Variants in MACROD2 observed in about 807,000 individuals in gnomAD.
MACROD2 encodes ADP-ribose glycohydrolase MACROD2.
In MACROD2, 36 loss-of-function variants were observed where a neutral mutation model predicts 70.4. That is an observed-to-expected ratio of 0.51 (90% CI 0.39 to 0.68). The LOEUF (loss-of-function observed/expected upper bound fraction) is 0.68. Ranked by LOEUF, MACROD2 falls within the 30% of genes least tolerant of loss-of-function variation. The pLI is 0.00. For missense variants in MACROD2, 496 were observed against 538.4 expected, an observed-to-expected ratio of 0.92 and a Z score of 0.78; for synonymous variants, 172 against 178.8, an observed-to-expected ratio of 0.96 and a Z score of 0.30.
At chr20:14,191,969 T>G (rs1444445883) in intron 3 of MACROD2, among the ~76,000 whole-genome samples, 1 of 148,894 alleles carries the variant, frequency 6.7e-6, no homozygotes, top group Non-Finnish European at 1.5e-5. Flanking sequence ...GTGTGGCTTC[T>G]GTATAGTTTG....
At chr20:14,198,182 G>C (rs1404604753) in intron 3 of MACROD2, among the ~76,000 whole-genome samples, 1 of 150,836 alleles carries the variant, frequency 6.6e-6, no homozygotes, top group East Asian at 1.9e-4. Context: ...AGGTAAGAGG[G>C]AGAGAGAGAG....
At position 15,933,515 on chromosome 20, in the gene MACROD2, C is replaced by G. The variant is rs1013134680; in HGVS notation, c.838+177C>G. ...CCGATAACTATGAGTTGAGTGCTTT[C>G]AAACAGAGTGGCACATTCTCACATC... On this transcript the variant is annotated intron_variant, in intron 11 of 17. Coordinates refer to ENST00000684519, the MANE Select transcript of MACROD2 (RefSeq NM_001351661.2). The G allele has an allele frequency of 2.4e-5, 13 of 534,880 alleles. No homozygotes were observed. The Admixed American group carries it at 4.3e-4, about 18-fold the overall frequency. 33.1% of individuals were successfully genotyped at this position (534,880 alleles called of 1,614,324 possible). A position where few individuals can be genotyped will look rare whatever the true frequency, so the allele number is the denominator to read the frequency against.
chr20:14,282,933 T>C (rs2082317761), intron 3 of MACROD2, among the ~76,000 whole-genome samples: 1 of 152,104 alleles, frequency 6.6e-6, no homozygotes, highest in Non-Finnish European at 1.5e-5. Flanking sequence ...GAGATTTGGG[T>C]GGGGACAGAT....
At chr20:14,662,214 A>C (rs1986259951) in intron 4 of MACROD2, among the ~76,000 whole-genome samples, 1 of 152,164 alleles carries the variant, frequency 6.6e-6, no homozygotes, top group South Asian at 2.1e-4. Flanking sequence ...GATCTTCAAC[A>C]AACCTGACAA....
chr20:15,768,413 C>T (rs114469459), intron 8 of MACROD2, among the ~76,000 whole-genome samples: 1 of 152,058 alleles, frequency 6.6e-6, no homozygotes, highest in Admixed American at 6.6e-5. Context: ...AGAAAAGATA[C>T]TGTAAAAATA....
At chr20:15,836,893 G>T (rs1196266224) in intron 8 of MACROD2, among the ~76,000 whole-genome samples, 1 of 152,226 alleles carries the variant, frequency 6.6e-6, no homozygotes, top group East Asian at 1.9e-4. Flanking sequence ...GTCCAGTTGT[G>T]TATTACAAAG....
At position 15,815,987 on chromosome 20, in the gene MACROD2, A is replaced by G. The variant is rs1290170328; in HGVS notation, c.646-46758A>G. Reference sequence around the variant, plus strand: ...ACATTATTTAATCATCAGAAAAGCTATCTTTCCTTCCCCAGTCCATCTCTC... The same window carrying G: ...ACATTATTTAATCATCAGAAAAGCTGTCTTTCCTTCCCCAGTCCATCTCTC... On this transcript the variant is annotated intron_variant, in intron 8 of 17. Coordinates refer to ENST00000684519, the MANE Select transcript of MACROD2 (RefSeq NM_001351661.2). Among the ~76,000 whole-genome samples the G allele has an allele frequency of 3.3e-5, 5 of 152,002 alleles. No homozygotes were observed. In the East Asian group the frequency reaches 9.7e-4, roughly 29 times the overall value.
intron 8 of MACROD2, among the ~76,000 whole-genome samples, chr20:15,818,367 G>A (rs1014031319): frequency 6.6e-6 from 1 of 152,116 alleles, no homozygotes; most frequent in Non-Finnish European, 1.5e-5. Context: ...TCCCAGAACC[G>A]AGGGTTCCTC....
chr20:15,008,982 A>G (rs1212445796), intron 5 of MACROD2, among the ~76,000 whole-genome samples: 2 of 152,094 alleles, frequency 1.3e-5, no homozygotes, highest in Non-Finnish European at 2.9e-5. Flanking sequence ...TAGCAGTTAT[A>G]TGTAATTGGC....
chr20:14,246,076 C>T (rs1045352179), intron 3 of MACROD2, among the ~76,000 whole-genome samples: 2 of 152,182 alleles, frequency 1.3e-5, no homozygotes, highest in African/African-American at 2.4e-5. Flanking sequence ...TTATTCCTAA[C>T]CACCATCTAC....
chr20:15,404,355 A>C (rs2045969173), intron 6 of MACROD2, among the ~76,000 whole-genome samples: 1 of 152,180 alleles, frequency 6.6e-6, no homozygotes, highest in Admixed American at 6.5e-5. Context: ...ATTGTTTTTA[A>C]TGCTACTGTG....
intron 6 of MACROD2, among the ~76,000 whole-genome samples, chr20:15,323,539 T>C (rs1482941130): frequency 6.6e-6 from 1 of 152,132 alleles, no homozygotes; most frequent in Non-Finnish European, 1.5e-5. Context: ...TCCCCATCAA[T>C]TGCTATTTCT....
At chr20:14,670,245 C>T (rs1391210215) in intron 4 of MACROD2, among the ~76,000 whole-genome samples, 2 of 152,068 alleles carry the variant, frequency 1.3e-5, no homozygotes, top group African/African-American at 4.8e-5. Flanking sequence ...CTCTGAAATA[C>T]CAGAAAAATA....
At chr20:15,228,525 G>A (rs935441177) in intron 5 of MACROD2, among the ~76,000 whole-genome samples, 13 of 119,968 alleles carry the variant, frequency 1.1e-4, no homozygotes, top group African/African-American at 3.3e-4. Context: ...GTCTCACTCC[G>A]TCACTAGGTT....
At chr20:15,306,238 GA>G (rs1388442496) in intron 6 of MACROD2, among the ~76,000 whole-genome samples, 1 of 152,186 alleles carries the variant, frequency 6.6e-6, no homozygotes, top group Non-Finnish European at 1.5e-5. Context: ...AATATCCTCT[GA>G]ATTATTCTGT....
At chr20:14,993,956 G>A (rs994358361) in intron 5 of MACROD2, among the ~76,000 whole-genome samples, 5 of 151,976 alleles carry the variant, frequency 3.3e-5, no homozygotes, top group Non-Finnish European at 5.9e-5. Flanking sequence ...AATTTTCAAA[G>A]TTTAATTGCA....
In MACROD2 at chr20:15,616,145, C is replaced by T. The variant is rs538318160; in HGVS notation, c.645+116298C>T. Among the ~76,000 whole-genome samples the T allele has an allele frequency of 8.1e-5, 12 of 148,396 alleles. 1 individual carries two copies. The South Asian group carries it at 1.1e-3, about 14-fold the overall frequency. On this transcript the variant is annotated intron_variant, in intron 8 of 17. Coordinates refer to ENST00000684519, the MANE Select transcript of MACROD2 (RefSeq NM_001351661.2). ...TGAGACAGAGTCTCACTCTGTCACCCGGGCCTGGAGTGCAGTGGTGTGATC... is the reference window on the plus strand; with the variant it reads ...TGAGACAGAGTCTCACTCTGTCACCTGGGCCTGGAGTGCAGTGGTGTGATC...
chr20:14,962,011 ACT>A, intron 5 of MACROD2, among the ~76,000 whole-genome samples: 1 of 151,280 alleles, frequency 6.6e-6, no homozygotes, highest in Admixed American at 6.6e-5. Context: ...ACGGAGTCTC[ACT>A]CTCGCTCAGA....
chr20:15,438,336 G>A (rs140357395), intron 7 of MACROD2, among the ~76,000 whole-genome samples: 452 of 152,200 alleles, frequency 3.0e-3, no homozygotes, highest in African/African-American at 9.8e-3. Context: ...AACCTTGCCA[G>A]CATCAGTTAT....
Sources: allele counts gnomAD v4.1 joint callset (sites outside exome capture counted in the v4.1 genomes callset), GRCh38; gene constraint gnomAD v4.1.1; transcripts MANE v1.5; gene names NCBI Gene and HGNC (gene_info 2026-07-23, HGNC 2026-07-21).